Variants in ACLY observed in about 807,000 individuals in gnomAD.
ACLY encodes the protein ATP citrate lyase, also known as ATP-citrate synthase.
Under a neutral mutation model 133.0 loss-of-function variants are expected in ACLY, and 41 were observed. The observed-to-expected ratio is 0.31, with a 90% confidence interval of 0.24 to 0.40. The LOEUF is 0.40. ACLY is among the 10% of genes least tolerant of loss of function. The pLI is 1.00. For missense variants in ACLY, 1,046 were observed against 1,453.8 expected (o/e 0.72, Z 4.56); for synonymous variants, 495 against 549.3 (o/e 0.90, Z 1.38).
At chr17:41,874,289 G>A (rs1224604411) in intron 22 of ACLY, among the ~76,000 whole-genome samples, 3 of 152,102 alleles carry the variant, frequency 2.0e-5, no homozygotes, top group Non-Finnish European at 4.4e-5. Flanking sequence ...TCTGGAGGGG[G>A]ACCAGAGTCT....
In ACLY at chr17:41,897,850, A is replaced by G. The variant is rs1555630728; in HGVS notation, c.1339-11T>C. On this transcript the variant is annotated splice_polypyrimidine_tract_variant and intron_variant, in intron 12 of 28. Transcript: ENST00000352035. ...GCTGGGGGCTGGCGTCTGGGGTGAGATAAGGAGAGAGTGTAAGAGGTAAGA... is the reference window on the plus strand; with the variant it reads ...GCTGGGGGCTGGCGTCTGGGGTGAGGTAAGGAGAGAGTGTAAGAGGTAAGA... The G allele has an allele frequency of 6.2e-7, 1 of 1,611,518 alleles. No homozygotes were observed. The highest frequency in any genetic ancestry group is 1.7e-5 in the Admixed American group (1 of 59,656).
intron 13 of ACLY, among the ~76,000 whole-genome samples, chr17:41,897,374 C>T (rs184453915): frequency 2.1e-4 from 32 of 152,080 alleles, no homozygotes; most frequent in Admixed American, 2.0e-3. Flanking sequence ...CTGGCTCTGC[C>T]GTCCTGGGGT....
intron 3 of ACLY, among the ~76,000 whole-genome samples, chr17:41,911,374 A>G (rs1454235774): frequency 6.6e-6 from 1 of 152,216 alleles, no homozygotes; most frequent in East Asian, 1.9e-4. Context: ...GCCAGGCCTC[A>G]GCTCCACTCC....
At chr17:41,874,008 A>G (rs1555625572) in intron 22 of ACLY, 43 bp from the exon 23 acceptor site, 1 of 1,543,818 alleles carries the variant, frequency 6.5e-7, no homozygotes, top group African/African-American at 1.4e-5. Context: ...CCTGGTGACC[A>G]CCACAGATTT....
intron 18 of ACLY, among the ~76,000 whole-genome samples, chr17:41,884,998 T>C (rs1555627920): frequency 6.6e-6 from 1 of 152,066 alleles, no homozygotes; most frequent in Non-Finnish European, 1.5e-5. Context: ...GCCTCCAAAG[T>C]AGCTGGCACT....
rs562471985 is a variant in ACLY at position 41,870,085 on chromosome 17, T to A, written c.2938-498A>T. Among the ~76,000 whole-genome samples the A allele has an allele frequency of 2.4e-4, 36 of 152,274 alleles. 1 individual carries two copies. The highest frequency in any genetic ancestry group is 5.2e-4 in the Admixed American group (8 of 15,288). On this transcript the variant is annotated intron_variant, in intron 25 of 28. Transcript: ENST00000352035. ...CCTGCTGTGAATGAAATTAACCACC[T>A]GTCAGTTGGGGAGGAAGATGATCTA...
chr17:41,892,519 G>A, intron 15 of ACLY, 72 bp from the exon 16 acceptor site: 1 of 1,388,556 alleles, frequency 7.2e-7, no homozygotes, highest in Non-Finnish European at 1.0e-6. Context: ...GCTGAGGGGA[G>A]GAATTTCACC....
Position 41,892,414 on chromosome 17 carries a change from G to T in ACLY, c.1635C>A (p.His545Gln). 1 of 1,613,814 alleles carries T rather than the reference G, an allele frequency of 6.2e-7. No homozygotes were observed. Among genetic ancestry groups the T allele is most frequent in the Admixed American group, 1.7e-5 (1 of 59,966 alleles). Residue 545 changes from histidine to glutamine, a missense_variant, in exon 16 of 29, where the codon CAC becomes CAA. This residue lies in a region of ACLY where 575 missense variants were observed against 804.2 expected (regional missense o/e 0.71). Transcript: ENST00000352035. Reference sequence around the variant, plus strand: ...TGAAGACAGGGATCAGGATCTCTTTGTGCCCCCAGTAAAACTTCTGCTTGT... The same window carrying T: ...TGAAGACAGGGATCAGGATCTCTTTTTGCCCCCAGTAAAACTTCTGCTTGT... ...GDHKQKFYWG[H>Q]KEILIPVFKN...
intron 11 of ACLY, among the ~76,000 whole-genome samples, chr17:41,899,260 G>C (rs2049458439): frequency 6.6e-6 from 1 of 151,488 alleles, no homozygotes; most frequent in Non-Finnish European, 1.5e-5. Flanking sequence ...CTGGGTGACA[G>C]AGTGAGACTC....
upstream of ACLY, among the ~76,000 whole-genome samples, chr17:41,919,440 T>C (rs2050146917): frequency 1.3e-5 from 2 of 152,248 alleles, no homozygotes; most frequent in African/African-American, 4.8e-5. Context: ...GACAGTCTCC[T>C]TAAGCAGCAG....
At chr17:41,913,512 G>A (rs2049962354) in intron 2 of ACLY, among the ~76,000 whole-genome samples, 2 of 152,200 alleles carry the variant, frequency 1.3e-5, no homozygotes, top group Admixed American at 6.5e-5. Context: ...TCAAGCCCAT[G>A]GCAGGGTATA....
At chr17:41,895,812 C>T (rs1348248654) in intron 14 of ACLY, among the ~76,000 whole-genome samples, 5 of 152,208 alleles carry the variant, frequency 3.3e-5, no homozygotes, top group African/African-American at 9.6e-5. Flanking sequence ...ATTACTCCTT[C>T]CCCTCCCCTT....
At chr17:41,890,837 CA>C (rs34510712) in intron 16 of ACLY, among the ~76,000 whole-genome samples, 150 of 73,178 alleles carry the variant, frequency 2.0e-3, no homozygotes, top group Middle Eastern at 0.011. Flanking sequence ...CCCATCTGTA[CA>C]AAAAAAAAAA....
At position 41,907,948 on chromosome 17, in the gene ACLY, A is replaced by AC. The variant is rs200618725; in HGVS notation, c.617-377dup. On this transcript the variant is annotated intron_variant, in intron 6 of 28. Transcript: ENST00000352035. ...TAAAGGTACATGTTGCTGACAGAAG[A>AC]CCCCCCACCGGTATGCACATCTATG... is the stretch of plus-strand genomic sequence containing the variant. Among the ~76,000 whole-genome samples the AC allele has an allele frequency of 5.8e-3, 873 of 151,632 alleles. 4 individuals are homozygous for AC. Among genetic ancestry groups the AC allele is most frequent in the Non-Finnish European group, 8.6e-3 (586 of 67,896 alleles).
At chr17:41,925,810 A>G (rs2050236732) in intron 1 of ACLY, among the ~76,000 whole-genome samples, 1 of 150,966 alleles carries the variant, frequency 6.6e-6, no homozygotes, top group African/African-American at 2.4e-5. Context: ...TGCTAGCAAT[A>G]TGTTTCTTGA....
chr17:41,874,067 G>C (rs1452209870), intron 22 of ACLY, 102 bp from the exon 23 acceptor site: 2 of 1,241,758 alleles, frequency 1.6e-6, no homozygotes, highest in African/African-American at 3.1e-5. Flanking sequence ...AGCACCCCAG[G>C]AATGTCGTAA....
At chr17:41,905,132 C>G (rs1029023281) in intron 9 of ACLY, among the ~76,000 whole-genome samples, 62 of 152,298 alleles carry the variant, frequency 4.1e-4, no homozygotes, top group African/African-American at 1.5e-3. Context: ...AGCTCCAAAA[C>G]ACAGGTGGTA....
At chr17:41,890,978 A>AT (rs1426124141) in intron 16 of ACLY, among the ~76,000 whole-genome samples, 6 of 152,160 alleles carry the variant, frequency 3.9e-5, no homozygotes, top group African/African-American at 1.4e-4. Context: ...TCAAAAAAAA[A>AT]AAATAAATAA....
At chr17:41,878,420 CA>C (rs1206777031) in intron 21 of ACLY, among the ~76,000 whole-genome samples, 1 of 152,166 alleles carries the variant, frequency 6.6e-6, no homozygotes, top group East Asian at 1.9e-4. Flanking sequence ...AGGAAGGACA[CA>C]GCCGGGAGTC....
Sources: gnomAD v4.1 joint callset for allele counts (sites outside exome capture counted in the v4.1 genomes callset) on GRCh38, gnomAD v4.1.1 for gene constraint, gnomAD v4.1.1 regional missense constraint, MANE v1.5 for transcripts, NCBI Gene and HGNC (gene_info 2026-07-23, HGNC 2026-07-21) for gene names.